LARGE1: variants seen among roughly 807,000 people sequenced by gnomAD.
LARGE1 encodes the protein xylosyl- and glucuronyltransferase LARGE1.
In LARGE1, 43 loss-of-function variants were observed where a neutral mutation model predicts 87.6. The observed-to-expected ratio is 0.49, with a 90% CI of 0.38 to 0.63. The LOEUF (loss-of-function observed/expected upper bound fraction) is 0.63, where lower values mean the gene tolerates loss of function less well. Among genes scored for constraint, LARGE1 ranks in the 30% least tolerant of loss-of-function variants. The pLI is 0.00. For synonymous variants in LARGE1, 434 were observed against 394.6 expected (o/e 1.10, Z -1.18); for missense variants, 802 against 1,000.2 (o/e 0.80, Z 2.67).
chr22:33,860,365 G>A (rs997368639), intron 1 of LARGE1, among the ~76,000 whole-genome samples: 1 of 152,076 alleles, frequency 6.6e-6, no homozygotes, highest in African/African-American at 2.4e-5. Context: ...ATAAAATAAT[G>A]TACACAGTCT....
At chr22:33,700,416 C>A (rs571422338) in intron 2 of LARGE1, among the ~76,000 whole-genome samples, 32 of 152,272 alleles carry the variant, frequency 2.1e-4, no homozygotes, top group Admixed American at 1.8e-3. Context: ...AGGCACTATG[C>A]GGAAGGCTGA....
intron 2 of LARGE1, among the ~76,000 whole-genome samples, chr22:33,748,365 C>T (rs1421983970): frequency 6.6e-6 from 1 of 152,066 alleles, no homozygotes; most frequent in African/African-American, 2.4e-5. Context: ...CTCCAGACCT[C>T]GTGATGCACC....
intron 6 of LARGE1, among the ~76,000 whole-genome samples, chr22:33,551,315 A>T (rs1281882054): frequency 6.6e-6 from 1 of 152,226 alleles, no homozygotes; most frequent in Non-Finnish European, 1.5e-5. Flanking sequence ...CTGTGCAGAG[A>T]TAAGAGTGGA....
the LARGE1 span, among the ~76,000 whole-genome samples, chr22:33,070,049 C>T: frequency 2.0e-5 from 3 of 152,070 alleles, no homozygotes; most frequent in Admixed American, 1.3e-4. Flanking sequence ...CTCGAACTCC[C>T]GACCTCAGGT....
chr22:33,172,898 G>A (rs1922654254), intron 11 of LARGE1, among the ~76,000 whole-genome samples: 1 of 152,228 alleles, frequency 6.6e-6, no homozygotes, highest in Non-Finnish European at 1.5e-5. Context: ...GTGCCTGAAA[G>A]TGACAGGGAG....
At chr22:33,809,257 TGA>T (rs773326738) in intron 1 of LARGE1, among the ~76,000 whole-genome samples, 42 of 123,246 alleles carry the variant, frequency 3.4e-4, no homozygotes, top group South Asian at 2.4e-3. Context: ...GGTGACAGAG[TGA>T]GACTCCATCT....
chr22:33,860,751 C>T (rs535992558), intron 1 of LARGE1, among the ~76,000 whole-genome samples: 1 of 152,204 alleles, frequency 6.6e-6, no homozygotes, highest in South Asian at 2.1e-4. Context: ...AAGACCAACA[C>T]GTGCAAACTA....
chr22:33,760,572 T>A (rs574108154), intron 2 of LARGE1, among the ~76,000 whole-genome samples: 1 of 152,242 alleles, frequency 6.6e-6, no homozygotes, highest in African/African-American at 2.4e-5. Flanking sequence ...CCTGTGAATC[T>A]CCAGATCTGT....
chr22:33,317,319 G>A (rs556729409), intron 10 of LARGE1, among the ~76,000 whole-genome samples: 3 of 152,194 alleles, frequency 2.0e-5, no homozygotes, highest in South Asian at 4.2e-4. Flanking sequence ...AAGGACCTCC[G>A]TATGACCTGA....
intron 1 of LARGE1, among the ~76,000 whole-genome samples, chr22:33,854,002 G>A (rs11705189): frequency 1.1e-4 from 16 of 152,112 alleles, no homozygotes; most frequent in Non-Finnish European, 1.9e-4. Flanking sequence ...TGGCCAGCCA[G>A]ATGCCCAGAC....
In LARGE1 at chr22:33,765,578, G is replaced by A. The variant is rs565856315; in HGVS notation, c.-82-4020C>T. ...AAATTAGCTGGGCATGGTGGTGGGC[G>A]CCTGTAATCCCAGCTACTTGGGAGG... is the stretch of plus-strand genomic sequence containing the variant. On this transcript the variant is annotated intron_variant, in intron 1 of 14. Coordinates refer to ENST00000397394, the MANE Select transcript of LARGE1 (RefSeq NM_133642.5). 1.9e-3 allele frequency among the ~76,000 whole-genome samples: 293 copies of A among 151,830 alleles called. 1 individual carries two copies. The highest frequency in any genetic ancestry group is 2.8e-3 in the Non-Finnish European group (188 of 67,942).
At chr22:33,119,853 G>A in the LARGE1 span, among the ~76,000 whole-genome samples, 1 of 152,042 alleles carries the variant, frequency 6.6e-6, no homozygotes, top group African/African-American at 2.4e-5. Context: ...TTTTTCAGTT[G>A]TGGCCTTGGC....
In LARGE1 at chr22:33,604,387, G is replaced by A. The variant is rs548099732; in HGVS notation, c.615+48C>T. 1.0e-4 allele frequency: 168 copies of A among 1,612,416 alleles called. 4 individuals carry two copies. The South Asian group carries it at 1.4e-3, about 14-fold the overall frequency. On this transcript the variant is annotated intron_variant, in intron 5 of 14. Transcript: ENST00000397394. ...AGTCTGCTCAACCACAAGTAATAAC[G>A]CTTCCAGCTAGAGGAGATCACGGAA...
intron 1 of LARGE1, among the ~76,000 whole-genome samples, chr22:33,799,593 A>C (rs984474719): frequency 6.6e-6 from 1 of 152,024 alleles, no homozygotes; most frequent in Non-Finnish European, 1.5e-5. Flanking sequence ...GGCATGCACC[A>C]CCACGCCCGG....
chr22:33,369,477 A>G (rs2064727234), intron 9 of LARGE1, among the ~76,000 whole-genome samples: 2 of 152,182 alleles, frequency 1.3e-5, no homozygotes, highest in African/African-American at 4.8e-5. Context: ...TCCCCAAATT[A>G]AGAGTTTGTG....
At chr22:33,308,580 T>C (rs557940485) in intron 11 of LARGE1, among the ~76,000 whole-genome samples, 1 of 152,304 alleles carries the variant, frequency 6.6e-6, no homozygotes, top group East Asian at 1.9e-4. Flanking sequence ...TGACTTGCTT[T>C]GGTCCATGCG....
chr22:33,703,551 T>C (rs1021694533), intron 2 of LARGE1, among the ~76,000 whole-genome samples: 2 of 152,164 alleles, frequency 1.3e-5, no homozygotes, highest in Non-Finnish European at 2.9e-5. Flanking sequence ...CTGGGCCTGA[T>C]ATAATTACAA....
At chr22:33,351,558 A>G (rs1940378681) in intron 9 of LARGE1, among the ~76,000 whole-genome samples, 1 of 152,064 alleles carries the variant, frequency 6.6e-6, no homozygotes, top group Admixed American at 6.6e-5. Context: ...GTATATATAG[A>G]CATAAATTAT....
At chr22:33,453,421 A>G (rs2068016512) in intron 6 of LARGE1, among the ~76,000 whole-genome samples, 1 of 152,112 alleles carries the variant, frequency 6.6e-6, no homozygotes, top group Non-Finnish European at 1.5e-5. Flanking sequence ...TCTCAAAAAA[A>G]AAAAAAAAGT....
Sources: allele counts gnomAD v4.1 joint callset (sites outside exome capture counted in the v4.1 genomes callset), GRCh38; gene constraint gnomAD v4.1.1; transcripts MANE v1.5; gene names NCBI Gene and HGNC (gene_info 2026-07-23, HGNC 2026-07-21).